Variants in ARHGEF28 observed in about 807,000 individuals in gnomAD.
ARHGEF28 encodes 190 kDa guanine nucleotide exchange factor.
Under a neutral mutation model 206.6 loss-of-function variants are expected in ARHGEF28, and 152 were observed. The ratio of observed to expected loss-of-function variants is 0.74; its 90% CI spans 0.64 to 0.84. ARHGEF28 has a LOEUF of 0.84. Ranked by LOEUF, ARHGEF28 falls within the 40% of genes least tolerant of loss-of-function variation. The pLI, the probability that ARHGEF28 is intolerant of heterozygous loss-of-function variation, is 0.00. For synonymous variants in ARHGEF28, 763 were observed against 776.4 expected, an observed-to-expected ratio of 0.98 and a Z score of 0.29; for missense variants, 2,028 against 2,073.2, an observed-to-expected ratio of 0.98 and a Z score of 0.42.
intron 33 of ARHGEF28, among the ~76,000 whole-genome samples, chr5:73,905,896 T>G (rs1480065527): frequency 2.0e-5 from 3 of 152,206 alleles, no homozygotes; most frequent in African/African-American, 4.8e-5. Context: ...TGGATTAGGG[T>G]ATCTGATTAT....
In ARHGEF28 at chr5:73,909,436, C is replaced by T. The variant is rs1322275390; in HGVS notation, c.4186C>T (p.His1396Tyr). The T allele has an allele frequency of 6.2e-7, 1 of 1,611,294 alleles. No homozygotes were observed. Among genetic ancestry groups the T allele is most frequent in the East Asian group, 2.2e-5 (1 of 44,826 alleles). ...GGCCGCCTTGACCATTCAGGACAGC[C>T]ACATTGAGATCCACAGGCTGGTTCT... ...LQAALTIQDSHIEIHRLVLQQ... is the reference protein window; with the variant it reads ...LQAALTIQDSYIEIHRLVLQQ... Residue 1396 changes from histidine to tyrosine, a missense_variant, in exon 34 of 36, where the codon CAC becomes TAC. His to Tyr is a moderately conservative substitution (Grantham distance 83). Coordinates refer to ENST00000513042, the MANE Select transcript of ARHGEF28 (RefSeq NM_001177693.2).
chr5:73,909,672 G>A lies in ARHGEF28; in HGVS notation c.4422G>A (p.Glu1474=), dbSNP rs1035618437. 2.9e-5 allele frequency: 45 copies of A among 1,540,360 alleles called. No homozygotes were observed. The highest frequency in any genetic ancestry group is 3.9e-5 in the Non-Finnish European group (45 of 1,142,076). ...CGACCAGGGAGAGCTGGCTGCAGGA[G>A]CGGGAGCGGGAGTGCCAGTCGCAGG... ...AQATRESWLQ[E]RERECQSQEE... The change falls in exon 34 of 36, where the codon GAG becomes GAA. Residue 1474 remains glutamate, a synonymous_variant. Transcript: ENST00000513042.
At chr5:73,752,887 T>G (rs1313774091) in intron 3 of ARHGEF28, 22 bp from the exon 4 acceptor site, 1 of 1,612,938 alleles carries the variant, frequency 6.2e-7, no homozygotes, top group Non-Finnish European at 8.5e-7. Flanking sequence ...TGGGGTGAAC[T>G]GTTCACTGTC....
At position 73,886,025 on chromosome 5, in the gene ARHGEF28, G is replaced by A. The variant is rs1344905350; in HGVS notation, c.3231G>A (p.Lys1077=). The change falls in exon 25 of 36, where the codon AAG becomes AAA. Residue 1077 remains lysine (K), a synonymous_variant. Coordinates refer to ENST00000513042, the MANE Select transcript of ARHGEF28 (RefSeq NM_001177693.2). The part of the protein sequence containing the change: ...TKLKNGHVFR[K]QALMSEERTL... ...TCAAAAATGGACATGTGTTTAGGAA[G>A]CAGGCACTGATGAGTGAAGAAAGGA... 1 of 1,613,824 alleles carries A rather than the reference G, an allele frequency of 6.2e-7. No individual in the cohort carries two copies. The highest frequency in any genetic ancestry group is 8.5e-7 in the Non-Finnish European group (1 of 1,179,860).
chr5:73,744,766 A>G (rs1751630647), intron 2 of ARHGEF28, among the ~76,000 whole-genome samples: 1 of 152,082 alleles, frequency 6.6e-6, no homozygotes, highest in Admixed American at 6.5e-5. Flanking sequence ...ATTGGAAGAT[A>G]GTTTATGTCT....
In ARHGEF28 at chr5:73,773,940, G is replaced by A. The variant is rs565461504; in HGVS notation, c.561G>A (p.Gly187=). 1.9e-6 allele frequency: 3 copies of A among 1,607,716 alleles called. No homozygotes were observed. Among genetic ancestry groups the A allele is most frequent in the Non-Finnish European group, 2.5e-6 (3 of 1,176,946 alleles). The change falls in exon 5 of 36, where the codon GGG becomes GGA. Residue 187 remains glycine (G), a synonymous_variant. Transcript: ENST00000513042. ...KLSQFFLCLP[G]GVQALALPNE... ...CCCAGTTCTTCTTGTGTCTCCCGGG[G>A]GGAGTCCAGGCCTTGGCTTTACCCA... is the stretch of plus-strand genomic sequence containing the variant.
chr5:73,627,464 G>A (rs1196896024), intron 1 of ARHGEF28, among the ~76,000 whole-genome samples: 5 of 152,128 alleles, frequency 3.3e-5, no homozygotes, highest in Non-Finnish European at 7.3e-5. Context: ...AGGTTCTGTG[G>A]CATCTACTTT....
chr5:73,893,370 T>C (rs1761768615), intron 28 of ARHGEF28, 82 bp downstream of exon 28: 1 of 1,125,988 alleles, frequency 8.9e-7, no homozygotes, highest in Non-Finnish European at 1.2e-6. Context: ...AACAGGAGGT[T>C]ATAACTACAT....
At chr5:73,631,329 T>TACAATGTACTGTCTGTACATTG (rs1446335370) in intron 1 of ARHGEF28, among the ~76,000 whole-genome samples, 36 of 152,332 alleles carry the variant, frequency 2.4e-4, no homozygotes, top group Non-Finnish European at 4.7e-4. Flanking sequence ...TTGTCACTGG[T>TACAATGTACTGTCTGTACATTG]TCTTTTTCAA....
chr5:73,789,854 T>C (rs1754369254), intron 7 of ARHGEF28, among the ~76,000 whole-genome samples: 1 of 151,982 alleles, frequency 6.6e-6, no homozygotes, highest in African/African-American at 2.4e-5. Flanking sequence ...ATCCCAAATC[T>C]TATAAGGAGA....
intron 4 of ARHGEF28, among the ~76,000 whole-genome samples, chr5:73,763,448 C>G (rs114734634): frequency 0.019 from 2,923 of 152,286 alleles, 91 homozygotes; most frequent in African/African-American, 0.067. Context: ...TCCTGGTTGT[C>G]TTTGAAGGCA....
intron 11 of ARHGEF28, among the ~76,000 whole-genome samples, chr5:73,843,544 G>T (rs1758119789): frequency 6.6e-6 from 1 of 152,188 alleles, no homozygotes; most frequent in Non-Finnish European, 1.5e-5. Context: ...TTAATAAGCA[G>T]ATAATAGCCC....
chr5:73,780,506 C>T (rs1753778096), intron 6 of ARHGEF28, 170 bp from the exon 7 acceptor site: 4 of 628,700 alleles, frequency 6.4e-6, no homozygotes, highest in Non-Finnish European at 8.1e-6. Flanking sequence ...TGCTCGCCCT[C>T]CTGCTGGGGT....
chr5:73,860,714 C>T lies in ARHGEF28; in HGVS notation c.2047+2495C>T, dbSNP rs140023993. ...CAAGTTATGATCAGTACTTTTCCCA[C>T]AGTAATCTTTGTAAAACACCACTTT... On this transcript the variant is annotated intron_variant, in intron 16 of 35. Coordinates refer to ENST00000513042, the MANE Select transcript of ARHGEF28 (RefSeq NM_001177693.2). Among the ~76,000 whole-genome samples, 19 of 152,338 alleles carry T rather than the reference C, an allele frequency of 1.2e-4. No individual in the cohort carries two copies. The East Asian group carries it at 3.7e-3, about 29-fold the overall frequency.
intron 2 of ARHGEF28, 60 bp from the exon 3 acceptor site, chr5:73,749,777 G>A: frequency 6.3e-7 from 1 of 1,591,962 alleles, no homozygotes; most frequent in Non-Finnish European, 8.6e-7. Context: ...CCTTTGTATT[G>A]TGCTTTCTTA....
chr5:73,896,455 C>T (rs1025567463), intron 29 of ARHGEF28, among the ~76,000 whole-genome samples: 2 of 152,062 alleles, frequency 1.3e-5, no homozygotes, highest in African/African-American at 4.8e-5. Context: ...TGATGGAAAG[C>T]ACTGGAAGCT....
intron 29 of ARHGEF28, among the ~76,000 whole-genome samples, chr5:73,897,533 A>G (rs1762027062): frequency 6.6e-6 from 1 of 152,230 alleles, no homozygotes; most frequent in South Asian, 2.1e-4. Flanking sequence ...TTAAAATTTT[A>G]ATGCCTGGTA....
chr5:73,798,561 C>T (rs192921227), intron 9 of ARHGEF28, among the ~76,000 whole-genome samples: 15 of 152,132 alleles, frequency 9.9e-5, no homozygotes, highest in Admixed American at 2.6e-4. Flanking sequence ...TGTAAGGGGT[C>T]GGCATTTTGT....
At chr5:73,710,942 A>G (rs1749204497) in intron 2 of ARHGEF28, among the ~76,000 whole-genome samples, 1 of 152,072 alleles carries the variant, frequency 6.6e-6, no homozygotes, top group Non-Finnish European at 1.5e-5. Flanking sequence ...AACCTCAAGT[A>G]ATTTGCCCGC....
Sources: allele counts gnomAD v4.1 joint callset (sites outside exome capture counted in the v4.1 genomes callset), GRCh38; gene constraint gnomAD v4.1.1; transcripts MANE v1.5; gene names NCBI Gene and HGNC (gene_info 2026-07-23, HGNC 2026-07-21).